FAT3: variants seen among roughly 807,000 people sequenced by gnomAD.
FAT3 encodes FAT atypical cadherin 3, also known as protocadherin Fat 3.
In FAT3, 95 loss-of-function variants were observed where a neutral mutation model predicts 310.2. That is an observed-to-expected ratio of 0.31 (90% confidence interval 0.26 to 0.36). The LOEUF (loss-of-function observed/expected upper bound fraction) is 0.36. FAT3 is among the 10% of genes least tolerant of loss of function. The pLI, the probability that FAT3 is intolerant of heterozygous loss-of-function variation, is 1.00. For synonymous variants in FAT3, 2,314 were observed against 2,192.9 expected (o/e 1.06, Z -1.54); for missense variants, 5,408 against 5,715.6 (o/e 0.95, Z 1.74).
chr11:92,317,859 C>A (rs1250130616), intron 1 of FAT3, among the ~76,000 whole-genome samples: 1 of 152,046 alleles, frequency 6.6e-6, no homozygotes, highest in African/African-American at 2.4e-5. Flanking sequence ...AAATATAGTG[C>A]CTTGATGCTA....
chr11:92,845,412 G>A (rs1948660799), intron 19 of FAT3, among the ~76,000 whole-genome samples: 1 of 152,210 alleles, frequency 6.6e-6, no homozygotes, highest in African/African-American at 2.4e-5. Flanking sequence ...CTGTTGCCAA[G>A]GGTAAGGGCA....
chr11:92,321,279 A>G (rs1279834454), intron 1 of FAT3, among the ~76,000 whole-genome samples: 1 of 152,040 alleles, frequency 6.6e-6, no homozygotes, highest in South Asian at 2.1e-4. Flanking sequence ...TACTAAAAAT[A>G]CAAAAAAAAT....
chr11:92,548,921 A>G (rs1024750255), intron 3 of FAT3, among the ~76,000 whole-genome samples: 2 of 152,212 alleles, frequency 1.3e-5, no homozygotes, highest in African/African-American at 4.8e-5. Context: ...TGCAGTTTTT[A>G]TTGGCCAACA....
Position 92,352,381 on chromosome 11 carries a change from G to C in FAT3, c.269G>C (p.Gly90Ala), listed in dbSNP as rs769208873. Residue 90 changes from glycine to alanine, a missense_variant, in exon 2 of 28, where the codon GGC (glycine) becomes GCC (alanine). Coordinates refer to ENST00000525166, the MANE Select transcript of FAT3 (RefSeq NM_001367949.2). ...AGAATAGTGTCCGGAGACGAGGAAG[G>C]CTTTTTCAAAGCAGAGGAAGTCATC... ...KYRIVSGDEEGFFKAEEVIIA... is the reference protein window; with the variant it reads ...KYRIVSGDEEAFFKAEEVIIA... The C allele has an allele frequency of 9.3e-6, 15 of 1,609,136 alleles. No homozygotes were observed. The African/African-American group carries it at 1.3e-4, about 14-fold the overall frequency.
At chr11:92,416,236 T>C (rs1482439797) in intron 2 of FAT3, among the ~76,000 whole-genome samples, 3 of 115,652 alleles carry the variant, frequency 2.6e-5, no homozygotes, top group African/African-American at 9.8e-5. Context: ...AAAAAAAAAA[T>C]AGCCAGGTGT....
chr11:92,794,079 G>A (rs1369431681), intron 9 of FAT3, among the ~76,000 whole-genome samples: 1 of 152,088 alleles, frequency 6.6e-6, no homozygotes. Context: ...AGTTTCCGGA[G>A]AGAATTTACC....
chr11:92,867,625 C>T (rs1283261325), intron 22 of FAT3, among the ~76,000 whole-genome samples: 1 of 152,152 alleles, frequency 6.6e-6, no homozygotes, highest in Non-Finnish European at 1.5e-5. Context: ...AATTGCTGAC[C>T]AGACGTAGAC....
At chr11:92,417,086 G>A (rs1462161326) in intron 2 of FAT3, among the ~76,000 whole-genome samples, 1 of 152,146 alleles carries the variant, frequency 6.6e-6, no homozygotes, top group Non-Finnish European at 1.5e-5. Flanking sequence ...CTCCTTTTGG[G>A]TTTAGAGGTG....
intron 4 of FAT3, among the ~76,000 whole-genome samples, chr11:92,733,726 A>G (rs1945255956): frequency 6.6e-6 from 1 of 152,116 alleles, no homozygotes; most frequent in African/African-American, 2.4e-5. Context: ...TTTAGATGCA[A>G]GGGGGGCAAA....
At chr11:92,334,755 C>T (rs192240458) in intron 1 of FAT3, among the ~76,000 whole-genome samples, 1 of 152,238 alleles carries the variant, frequency 6.6e-6, no homozygotes, top group Admixed American at 6.5e-5. Flanking sequence ...AGATAGCTGC[C>T]TCAATTATGG....
At chr11:92,657,340 G>T (rs1181537653) in intron 3 of FAT3, among the ~76,000 whole-genome samples, 1 of 152,166 alleles carries the variant, frequency 6.6e-6, no homozygotes, top group Non-Finnish European at 1.5e-5. Context: ...GGTAAATGTA[G>T]TCATTTCATG....
chr11:92,565,265 G>A (rs1005872140), intron 3 of FAT3, among the ~76,000 whole-genome samples: 39 of 151,652 alleles, frequency 2.6e-4, no homozygotes, highest in African/African-American at 8.2e-4. Context: ...ACACCTCTAC[G>A]CAAATAAACT....
chr11:92,706,271 T>A (rs1944350454), intron 4 of FAT3, among the ~76,000 whole-genome samples: 1 of 152,036 alleles, frequency 6.6e-6, no homozygotes, highest in South Asian at 2.1e-4. Flanking sequence ...ATCTGAAGAG[T>A]AAATATTGAA....
In FAT3 at chr11:92,800,173, T is replaced by C; in HGVS notation, c.7160T>C (p.Val2387Ala). Residue 2387 changes from valine (V) to alanine (A), a missense_variant, in exon 10 of 28, where the codon GTA becomes GCA. Val to Ala is a moderately conservative substitution (Grantham distance 64). This residue lies in a region of FAT3 where 4,588 missense variants were observed against 4,809.8 expected (regional missense o/e 0.95). Transcript: ENST00000525166. ...CTCGTTCATATCTACATCTCTGATG[T>C]AAATGACAACCCTCCAGTTTTTAAT... ...EVLVHIYISD[V>A]NDNPPVFNQL... The C allele has an allele frequency of 6.2e-7, 1 of 1,614,028 alleles. No homozygotes were observed. Among genetic ancestry groups the C allele is most frequent in the East Asian group, 2.2e-5 (1 of 44,886 alleles).
In FAT3 at chr11:92,570,701, C is replaced by T. The variant is rs532106222; in HGVS notation, c.3607+45753C>T. Among the ~76,000 whole-genome samples, 12 of 152,310 alleles carry T rather than the reference C, an allele frequency of 7.9e-5. No homozygotes were observed. In the East Asian group the frequency reaches 2.1e-3, roughly 27 times the overall value. ...GCCTTCAAGGGATATTTGCTAAGAGCAAGCTCTATACAGCATTTTTCATGC... is the reference window on the plus strand; with the variant it reads ...GCCTTCAAGGGATATTTGCTAAGAGTAAGCTCTATACAGCATTTTTCATGC... On this transcript the variant is annotated intron_variant, in intron 3 of 27. Coordinates refer to ENST00000525166, the MANE Select transcript of FAT3 (RefSeq NM_001367949.2).
intron 2 of FAT3, among the ~76,000 whole-genome samples, chr11:92,437,882 T>C (rs1950976859): frequency 6.6e-6 from 1 of 152,128 alleles, no homozygotes; most frequent in South Asian, 2.1e-4. Flanking sequence ...CACTGATGGC[T>C]TTAATTGGTG....
chr11:92,441,467 T>C (rs2135075219), intron 2 of FAT3, among the ~76,000 whole-genome samples: 1 of 152,310 alleles, frequency 6.6e-6, no homozygotes, highest in African/African-American at 2.4e-5. Context: ...TCTTATAGCA[T>C]TTTAGCACCG....
At chr11:92,767,603 G>A (rs1209396553) in intron 6 of FAT3, among the ~76,000 whole-genome samples, 1 of 152,150 alleles carries the variant, frequency 6.6e-6, no homozygotes, top group Non-Finnish European at 1.5e-5. Flanking sequence ...GGTCAGGCTT[G>A]CAACTCTTCA....
intron 3 of FAT3, among the ~76,000 whole-genome samples, chr11:92,649,357 G>T (rs371912330): frequency 2.0e-5 from 3 of 152,326 alleles, no homozygotes; most frequent in Non-Finnish European, 4.4e-5. Flanking sequence ...AGAATTGCTT[G>T]TACTTTATCT....
Sources: gnomAD v4.1 joint callset for allele counts (sites outside exome capture counted in the v4.1 genomes callset) on GRCh38, gnomAD v4.1.1 for gene constraint, gnomAD v4.1.1 regional missense constraint, MANE v1.5 for transcripts, NCBI Gene and HGNC (gene_info 2026-07-23, HGNC 2026-07-21) for gene names.